Variants in PDE4D observed in about 807,000 individuals in gnomAD.
PDE4D encodes phosphodiesterase 4D, also known as 3',5'-cyclic-AMP phosphodiesterase 4D.
A neutral mutation model predicts 87.4 loss-of-function variants in PDE4D; 24 were observed. The observed-to-expected ratio is 0.27, with a 90% CI of 0.20 to 0.39. The LOEUF (loss-of-function observed/expected upper bound fraction) is 0.39, where lower values mean the gene tolerates loss of function less well. PDE4D is among the 10% of genes least tolerant of loss of function. The pLI, the probability that PDE4D is intolerant of heterozygous loss-of-function variation, is 1.00. For synonymous variants in PDE4D, 384 were observed against 383.2 expected, an observed-to-expected ratio of 1.00 and a Z score of -0.02; for missense variants, 714 against 1,041.0, an observed-to-expected ratio of 0.69 and a Z score of 4.32.
chr5:59,750,086 T>G (rs945631099), intron 1 of PDE4D, among the ~76,000 whole-genome samples: 1 of 38,744 alleles, frequency 2.6e-5, no homozygotes, highest in Non-Finnish European at 9.6e-5. Flanking sequence ...ATTATGACCT[T>G]TTTTTTTTTT....
intron 1 of PDE4D, among the ~76,000 whole-genome samples, chr5:60,274,950 T>C (rs1290910512): frequency 1.3e-5 from 2 of 152,226 alleles, no homozygotes; most frequent in Non-Finnish European, 2.9e-5. Flanking sequence ...TTAAAATCTG[T>C]ATTTTCCTAA....
At chr5:59,888,697 G>T (rs1329559945) in intron 1 of PDE4D, among the ~76,000 whole-genome samples, 1 of 151,516 alleles carries the variant, frequency 6.6e-6, no homozygotes, top group East Asian at 1.9e-4. Flanking sequence ...CAATCTGAAC[G>T]GCCAATTTTT....
At chr5:59,869,855 C>T (rs915743129) in intron 1 of PDE4D, among the ~76,000 whole-genome samples, 3 of 152,154 alleles carry the variant, frequency 2.0e-5, no homozygotes, top group African/African-American at 4.8e-5. Context: ...GTCAGCATCC[C>T]TCCAATCCTC....
chr5:59,913,730 CT>C (rs2152772268), intron 3 of PDE4D, among the ~76,000 whole-genome samples: 2 of 152,066 alleles, frequency 1.3e-5, no homozygotes, highest in East Asian at 3.9e-4. Context: ...TGCAAATCAA[CT>C]GTGAAAATAG....
chr5:59,038,063 A>G (rs1248560235), intron 6 of PDE4D, among the ~76,000 whole-genome samples: 1 of 152,234 alleles, frequency 6.6e-6, no homozygotes, highest in Non-Finnish European at 1.5e-5. Flanking sequence ...CACAATTCCA[A>G]TTATCTCCTT....
At chr5:60,103,402 G>A (rs1047345504) in intron 2 of PDE4D, among the ~76,000 whole-genome samples, 5 of 152,132 alleles carry the variant, frequency 3.3e-5, no homozygotes, top group African/African-American at 4.8e-5. Flanking sequence ...CACAAGAGAT[G>A]AACTATTTCA....
intron 1 of PDE4D, among the ~76,000 whole-genome samples, chr5:59,777,019 G>C (rs1764145118): frequency 6.6e-6 from 1 of 152,196 alleles, no homozygotes; most frequent in East Asian, 1.9e-4. Flanking sequence ...GCATCCTCCA[G>C]CATGTCCAGA....
intron 1 of PDE4D, among the ~76,000 whole-genome samples, chr5:59,397,554 C>A: frequency 8.9e-6 from 1 of 112,148 alleles, no homozygotes. Flanking sequence ...CACAACATAC[C>A]AGAATCTCTG....
At chr5:60,007,350 T>A (rs1764591517) in intron 2 of PDE4D, among the ~76,000 whole-genome samples, 1 of 151,998 alleles carries the variant, frequency 6.6e-6, no homozygotes, top group Admixed American at 6.6e-5. Flanking sequence ...AAAAGTATAT[T>A]TGCATCACGT....
chr5:59,091,392 AAAG>A (rs1768705841), intron 5 of PDE4D, among the ~76,000 whole-genome samples: 2 of 139,222 alleles, frequency 1.4e-5, no homozygotes, highest in Admixed American at 6.8e-5. Flanking sequence ...CTGCATAAAG[AAAG>A]AAGATTGGAC....
chr5:60,243,896 G>A (rs1747410882), intron 1 of PDE4D, among the ~76,000 whole-genome samples: 1 of 151,876 alleles, frequency 6.6e-6, no homozygotes, highest in Non-Finnish European at 1.5e-5. Flanking sequence ...TCAGGAACAT[G>A]ATAAGGAAGC....
intron 2 of PDE4D, among the ~76,000 whole-genome samples, chr5:60,028,232 C>T (rs1451856366): frequency 6.6e-6 from 1 of 152,066 alleles, no homozygotes; most frequent in Non-Finnish European, 1.5e-5. Context: ...TCTTTTCTGT[C>T]TCTCAACTTG....
intron 1 of PDE4D, among the ~76,000 whole-genome samples, chr5:59,555,943 G>A (rs1253723404): frequency 6.6e-6 from 1 of 152,054 alleles, no homozygotes; most frequent in Non-Finnish European, 1.5e-5. Flanking sequence ...TGGGACCTTG[G>A]TCACCTCAAT....
intron 1 of PDE4D, chr5:59,586,502 T>TC (rs1194889667): frequency 6.9e-4 from 727 of 1,055,954 alleles, no homozygotes; most frequent in African/African-American, 1.2e-3. Flanking sequence ...AAGTATTGAA[T>TC]CCCAAAAAAA....
intron 5 of PDE4D, among the ~76,000 whole-genome samples, chr5:59,107,007 A>C (rs1245993273): frequency 3.3e-5 from 5 of 152,182 alleles, no homozygotes; most frequent in African/African-American, 4.8e-5. Flanking sequence ...TAGAGCTGTC[A>C]TTTAAAAGTC....
intron 1 of PDE4D, among the ~76,000 whole-genome samples, chr5:59,876,740 G>T (rs922156370): frequency 6.6e-6 from 1 of 152,156 alleles, no homozygotes; most frequent in Non-Finnish European, 1.5e-5. Context: ...TTGGGATAGT[G>T]TATGTCAATG....
In PDE4D at chr5:58,975,878, CT is replaced by C. The variant is rs377646025; in HGVS notation, c.1831-40del. 1.4e-3 allele frequency: 1,678 copies of C among 1,186,120 alleles called. 6 individuals carry two copies. Among genetic ancestry groups the C allele is most frequent in the Non-Finnish European group, 1.5e-3 (1,370 of 923,296 alleles). The allele number at this position is 1,186,120 out of a possible 1,614,324, so 73.5% of individuals were successfully genotyped here. On this transcript the variant is annotated intron_variant, in intron 13 of 14. Coordinates refer to ENST00000340635, the MANE Select transcript of PDE4D (RefSeq NM_001104631.2). This position sits in a 1 kb window ranked among gnomAD's most constrained non-coding sequence, Gnocchi z 4.2. ...ATGCATTCTCTATTCACTCCTGTTC[CT>C]TTTTTTTAAAAAAAAAAACAAAAAA...
chr5:59,975,323 C>A (rs1435083), intron 3 of PDE4D, among the ~76,000 whole-genome samples: 2 of 151,980 alleles, frequency 1.3e-5, no homozygotes, highest in Admixed American at 1.3e-4. Context: ...TTCCCTGACA[C>A]CCTTCTATGT....
intron 1 of PDE4D, among the ~76,000 whole-genome samples, chr5:59,616,700 T>C (rs954612405): frequency 1.3e-5 from 2 of 151,792 alleles, no homozygotes; most frequent in Admixed American, 1.3e-4. Context: ...AATCTAGAAT[T>C]TTGTACTCTA....
Sources: allele counts gnomAD v4.1 joint callset (sites outside exome capture counted in the v4.1 genomes callset), GRCh38; gene constraint gnomAD v4.1.1; non-coding constraint Gnocchi (gnomAD v3.1); transcripts MANE v1.5; gene names NCBI Gene and HGNC (gene_info 2026-07-23, HGNC 2026-07-21).